Variants in SPATA31H1 observed in about 807,000 individuals in gnomAD.
SPATA31H1 encodes SPATA31 subfamily H member 1, also known as spermatogenesis-associated protein 31H1.
the SPATA31H1 span, chr2:27,576,011 G>A: frequency 2.5e-6 from 1 of 398,480 alleles, no homozygotes; most frequent in Non-Finnish European, 4.4e-6. Flanking sequence ...AATCTGAATT[G>A]ACTCCAGGGT....
At chr2:27,577,917 G>T in the SPATA31H1 span, 6 of 1,614,068 alleles carry the variant, frequency 3.7e-6, no homozygotes, top group Non-Finnish European at 5.1e-6. This position sits in a 1 kb window ranked among gnomAD's most constrained non-coding sequence, Gnocchi z 4.5. Flanking sequence ...GGTATCAATG[G>T]GGCTAACAAA....
the SPATA31H1 span, among the ~76,000 whole-genome samples, chr2:27,547,028 A>C: frequency 3.3e-5 from 5 of 151,942 alleles, no homozygotes; most frequent in Non-Finnish European, 5.9e-5. Context: ...CTTGTCATAA[A>C]TCAGGTAAAT....
At chr2:27,575,513 T>C in the SPATA31H1 span, 1 of 398,508 alleles carries the variant, frequency 2.5e-6, no homozygotes, top group Non-Finnish European at 4.4e-6. The surrounding 1 kb of genome is among the most constrained non-coding windows in gnomAD (Gnocchi z 4.1). Flanking sequence ...AATCTTTAGA[T>C]TTCAACCCTG....
At chr2:27,576,920 G>A in the SPATA31H1 span, 1 of 1,614,074 alleles carries the variant, frequency 6.2e-7, no homozygotes, top group Non-Finnish European at 8.5e-7. Flanking sequence ...ATCAAATCAT[G>A]GAATCCTCTG....
At chr2:27,571,097 A>G in the SPATA31H1 span, 28 of 398,538 alleles carry the variant, frequency 7.0e-5, 1 homozygote, top group East Asian at 7.8e-4. Flanking sequence ...AAGATATGAC[A>G]TCTGCGGAAT....
At chr2:27,579,627 T>C in the SPATA31H1 span, 6 of 1,614,188 alleles carry the variant, frequency 3.7e-6, 1 homozygote, top group South Asian at 5.5e-5. Context: ...GCCTGTCTCA[T>C]GTGCAGGGGG....
At chr2:27,561,198 G>A in the SPATA31H1 span, among the ~76,000 whole-genome samples, 1,750 of 152,234 alleles carry the variant, frequency 0.011, 16 homozygotes, top group Non-Finnish European at 0.019. Flanking sequence ...GGGCATGGTG[G>A]TGCATGCCTG....
At chr2:27,556,693 T>TATA in the SPATA31H1 span, among the ~76,000 whole-genome samples, 13,310 of 92,472 alleles carry the variant, frequency 0.14, 2,221 homozygotes, top group African/African-American at 0.41. Context: ...AGGGCATATA[T>TATA]TTTTTTTTTT....
At chr2:27,541,943 T>A in the SPATA31H1 span, among the ~76,000 whole-genome samples, 1 of 151,800 alleles carries the variant, frequency 6.6e-6, no homozygotes, top group Non-Finnish European at 1.5e-5. Context: ...GCTAATTTTT[T>A]AATTTTTTTT....
the SPATA31H1 span, chr2:27,566,641 C>A: frequency 1.9e-6 from 1 of 516,650 alleles, no homozygotes; most frequent in Non-Finnish European, 3.5e-6. Context: ...TTTTCAAATT[C>A]TCCTTCAGGC....
At chr2:27,557,852 G>C in the SPATA31H1 span, among the ~76,000 whole-genome samples, 1 of 43,484 alleles carries the variant, frequency 2.3e-5, no homozygotes, top group Non-Finnish European at 4.6e-5. Flanking sequence ...GGGGCGGCTG[G>C]CCGGGCAGGG....
At chr2:27,564,347 G>C in the SPATA31H1 span, among the ~76,000 whole-genome samples, 1 of 152,058 alleles carries the variant, frequency 6.6e-6, no homozygotes, top group Non-Finnish European at 1.5e-5. Context: ...CTTCACATGG[G>C]CCTTGTCTTT....
the SPATA31H1 span, chr2:27,566,163 C>G: frequency 1.4e-6 from 1 of 715,944 alleles, no homozygotes; most frequent in Admixed American, 2.0e-5. Flanking sequence ...CGTAAAGTAC[C>G]TGGACTCTGT....
the SPATA31H1 span, chr2:27,568,366 G>T: frequency 7.5e-6 from 3 of 398,822 alleles, no homozygotes; most frequent in Non-Finnish European, 1.3e-5. Context: ...GGGTCACAAA[G>T]TCAAGTCATG....
At chr2:27,571,853 C>T in the SPATA31H1 span, 1 of 398,298 alleles carries the variant, frequency 2.5e-6, no homozygotes, top group African/African-American at 2.1e-5. Flanking sequence ...TGAATATAAC[C>T]AGAGGAGAAG....
At chr2:27,573,983 C>T in the SPATA31H1 span, 2 of 398,448 alleles carry the variant, frequency 5.0e-6, no homozygotes, top group Non-Finnish European at 8.9e-6. Context: ...CTAAGTTGAA[C>T]CCTAAGACAA....
At chr2:27,578,909 G>A in the SPATA31H1 span, 1 of 1,614,124 alleles carries the variant, frequency 6.2e-7, no homozygotes. Flanking sequence ...AGCCTGAAGA[G>A]ACCTATATAG....
the SPATA31H1 span, chr2:27,580,183 A>G: frequency 1.2e-6 from 2 of 1,614,188 alleles, no homozygotes; most frequent in South Asian, 1.1e-5. Context: ...GCTAAAATCT[A>G]TACTCAAGCT....
the SPATA31H1 span, among the ~76,000 whole-genome samples, chr2:27,542,741 A>G: frequency 1.3e-5 from 2 of 151,948 alleles, no homozygotes; most frequent in Non-Finnish European, 2.9e-5. Context: ...TTACAGTCTT[A>G]TATAACTGGG....
Sources: allele counts gnomAD v4.1 joint callset (sites outside exome capture counted in the v4.1 genomes callset), GRCh38; gene constraint gnomAD v4.1.1; non-coding constraint Gnocchi (gnomAD v3.1); transcripts MANE v1.5; gene names NCBI Gene and HGNC (gene_info 2026-07-23, HGNC 2026-07-21).